SAP30BP: variants seen among roughly 807,000 people sequenced by gnomAD.
SAP30BP encodes SAP30-binding protein.
SAP30BP carries 31 observed loss-of-function variants against 46.3 expected under a neutral mutation model. The ratio of observed to expected loss-of-function variants is 0.67; its 90% CI spans 0.50 to 0.90. The LOEUF is 0.90. Among genes scored for constraint, SAP30BP ranks in the 40% least tolerant of loss-of-function variants. The probability of loss-of-function intolerance (pLI) is 0.00; values close to 1 mark genes in which losing one functional copy is unlikely to be tolerated. For missense variants in SAP30BP, 312 were observed against 391.0 expected (o/e 0.80, Z 1.70); for synonymous variants, 169 against 144.2 (o/e 1.17, Z -1.23).
At position 75,706,355 on chromosome 17, in the gene SAP30BP, A is replaced by G; in HGVS notation, c.761A>G (p.Lys254Arg). 1 of 1,613,588 alleles carries G rather than the reference A, an allele frequency of 6.2e-7. No individual in the cohort carries two copies. Among genetic ancestry groups the G allele is most frequent in the Non-Finnish European group, 8.5e-7 (1 of 1,179,918 alleles). ...STAVADAQKR[K>R]SKWDSAIPVT... ...TTATCTCCAGATGCTCAGAAGAGAA[A>G]GAGCAAGTGGGATTCGGCTATCCCA... Residue 254 changes from lysine to arginine, a missense_variant, in exon 11 of 11, where the codon AAG becomes AGG. Physicochemically the swap from Lys to Arg is conservative, Grantham distance 26 (BLOSUM62 2). This residue lies in a region of SAP30BP where 296 missense variants were observed against 346.6 expected (regional missense o/e 0.85). Transcript: ENST00000584667. This position sits in a 1 kb window ranked among gnomAD's most constrained non-coding sequence, Gnocchi z 4.6.
chr17:75,699,486 C>T (rs1015051031), intron 4 of SAP30BP, among the ~76,000 whole-genome samples: 2 of 151,660 alleles, frequency 1.3e-5, no homozygotes, highest in Admixed American at 1.3e-4. Flanking sequence ...GCCACCGCAC[C>T]CAGCTGACCC....
In SAP30BP at chr17:75,706,096, G is replaced by C. The variant is rs1213610123; in HGVS notation, c.745+4G>C. 1 of 1,610,316 alleles carries C rather than the reference G, an allele frequency of 6.2e-7. No homozygotes were observed. The highest frequency in any genetic ancestry group is 1.3e-5 in the African/African-American group (1 of 75,020). On this transcript the variant is annotated splice_donor_region_variant and intron_variant, in intron 10 of 10. Transcript: ENST00000584667. This position sits in a 1 kb window ranked among gnomAD's most constrained non-coding sequence, Gnocchi z 4.6. ...ACTGCCAGCACAGCTGTTGCAGGTA[G>C]ATTGCAGAGCTGCCCTGCCTCCTGC...
intron 3 of SAP30BP, among the ~76,000 whole-genome samples, chr17:75,682,767 T>G (rs56046313): frequency 4.5e-4 from 66 of 147,406 alleles, no homozygotes; most frequent in East Asian, 2.2e-3. Context: ...ATCAAGACCA[T>G]CCTGGCCAAC....
intron 3 of SAP30BP, among the ~76,000 whole-genome samples, chr17:75,686,094 G>C (rs1254284477): frequency 6.6e-6 from 1 of 152,168 alleles, no homozygotes; most frequent in Non-Finnish European, 1.5e-5. Context: ...TGTAAATTTA[G>C]CCAGATTTTT....
At chr17:75,692,159 A>G (rs1414124612) in intron 3 of SAP30BP, 1 of 878,758 alleles carries the variant, frequency 1.1e-6, no homozygotes, top group Non-Finnish European at 1.4e-6. Context: ...GTTCTGAGGA[A>G]TGGGGAATTT....
At chr17:75,682,800 T>C (rs1022219351) in intron 3 of SAP30BP, among the ~76,000 whole-genome samples, 1 of 150,722 alleles carries the variant, frequency 6.6e-6, no homozygotes, top group Non-Finnish European at 1.5e-5. Flanking sequence ...CCATCTCTAC[T>C]AAAAATACAA....
intron 1 of SAP30BP, 41 bp downstream of exon 1, chr17:75,667,519 C>T (rs774046209): frequency 1.3e-6 from 2 of 1,576,266 alleles, no homozygotes; most frequent in Admixed American, 3.3e-5. Flanking sequence ...AATCGGGTGT[C>T]TGCCCGGAAT....
chr17:75,668,415 T>TA, intron 1 of SAP30BP, 101 bp from the exon 2 acceptor site: 3 of 652,306 alleles, frequency 4.6e-6, no homozygotes, highest in Non-Finnish European at 7.6e-6. Context: ...TCTTCAGAGA[T>TA]AGTCTTGGCC....
intron 2 of SAP30BP, among the ~76,000 whole-genome samples, chr17:75,670,377 A>G (rs915159810): frequency 2.0e-5 from 3 of 152,154 alleles, no homozygotes; most frequent in Non-Finnish European, 4.4e-5. Context: ...TACATGATGC[A>G]TTTTGGGAGA....
chr17:75,694,309 G>A (rs1198101601), intron 4 of SAP30BP, among the ~76,000 whole-genome samples: 1 of 152,154 alleles, frequency 6.6e-6, no homozygotes, highest in Non-Finnish European at 1.5e-5. Flanking sequence ...TCCCAGTAGG[G>A]CCTTTCTGCT....
At chr17:75,694,641 C>T (rs2060288817) in intron 4 of SAP30BP, among the ~76,000 whole-genome samples, 1 of 152,234 alleles carries the variant, frequency 6.6e-6, no homozygotes, top group African/African-American at 2.4e-5. Flanking sequence ...GGGGGCGATC[C>T]ACGGGTCGGG....
Position 75,706,436 on chromosome 17 carries a change from T to C in SAP30BP, c.842T>C (p.Val281Ala). 6.2e-7 allele frequency: 1 copy of C among 1,614,156 alleles called. No individual in the cohort carries two copies. Among genetic ancestry groups the C allele is most frequent in the Non-Finnish European group, 8.5e-7 (1 of 1,180,012 alleles). Reference sequence around the variant, plus strand: ...ACCACCACAGCCACCCTGCCAGCTGTTGTCACGGTCACCACCAGCGCCAGC... The same window carrying C: ...ACCACCACAGCCACCCTGCCAGCTGCTGTCACGGTCACCACCAGCGCCAGC... ...ILTTTATLPA[V>A]VTVTTSASGS... The change falls in exon 11 of 11, where the codon GTT becomes GCT. Residue 281 changes from valine to alanine, a missense_variant. Val to Ala is a moderately conservative substitution (Grantham distance 64, BLOSUM62 0). This residue lies in a region of SAP30BP where 16 missense variants were observed against 44.4 expected (regional missense o/e 0.36). Coordinates refer to ENST00000584667, the MANE Select transcript of SAP30BP (RefSeq NM_013260.8). The surrounding 1 kb of genome is among the most constrained non-coding windows in gnomAD (Gnocchi z 4.6).
At chr17:75,680,402 G>A (rs758713546) in intron 3 of SAP30BP, among the ~76,000 whole-genome samples, 17 of 152,090 alleles carry the variant, frequency 1.1e-4, no homozygotes, top group Non-Finnish European at 2.1e-4. Context: ...ATTTAGAGCC[G>A]GTCTGGTGGA....
At position 75,700,016 on chromosome 17, in the gene SAP30BP, A is replaced by G. The variant is rs2060383486; in HGVS notation, c.396+145A>G. 5 of 591,782 alleles carry G rather than the reference A, an allele frequency of 8.4e-6. No individual in the cohort carries two copies. In the East Asian group the frequency reaches 1.4e-4, roughly 17 times the overall value. 36.7% of individuals were successfully genotyped at this position (591,782 alleles called of 1,614,324 possible). A position where few individuals can be genotyped will look rare whatever the true frequency, so the allele number is the denominator to read the frequency against. ...AACTGACAGGTGGGAAGGATCCCAC[A>G]GTCCACTTTACCTCCTGTTAGCCTC... On this transcript the variant is annotated intron_variant, in intron 5 of 10. Transcript: ENST00000584667.
intron 5 of SAP30BP, among the ~76,000 whole-genome samples, chr17:75,701,304 C>A (rs1420191551): frequency 6.6e-6 from 1 of 152,196 alleles, no homozygotes; most frequent in Non-Finnish European, 1.5e-5. Flanking sequence ...TTGCCCTGGG[C>A]CAGTGCCCGC....
At chr17:75,705,641 G>A (rs1239291962) in intron 9 of SAP30BP, 4 of 1,069,442 alleles carry the variant, frequency 3.7e-6, no homozygotes, top group Non-Finnish European at 3.4e-6. Flanking sequence ...TGCAGCGCCT[G>A]GGGACCGGAG....
intron 3 of SAP30BP, among the ~76,000 whole-genome samples, chr17:75,685,839 G>A (rs925737333): frequency 6.6e-6 from 1 of 152,154 alleles, no homozygotes; most frequent in African/African-American, 2.4e-5. Flanking sequence ...TCTGGACCTA[G>A]ATACACCCGT....
In SAP30BP at chr17:75,678,785, C is replaced by T. The variant is rs373478139; in HGVS notation, c.264+6922C>T. Among the ~76,000 whole-genome samples, 7 of 152,114 alleles carry T rather than the reference C, an allele frequency of 4.6e-5. No individual in the cohort carries two copies. In the East Asian group the frequency reaches 7.7e-4, roughly 17 times the overall value. The stretch of plus-strand genomic sequence containing the variant: ...AGGTAGAGCTGGAAGACAGAAGACT[C>T]GGGAAGAGCCGGGGTTGCGCTCTGG... On this transcript the variant is annotated intron_variant, in intron 3 of 10. Coordinates refer to ENST00000584667, the MANE Select transcript of SAP30BP (RefSeq NM_013260.8).
At chr17:75,674,389 G>T (rs1279892028) in intron 3 of SAP30BP, among the ~76,000 whole-genome samples, 1 of 151,932 alleles carries the variant, frequency 6.6e-6, no homozygotes, top group African/African-American at 2.4e-5. Flanking sequence ...CCGCCTCCTG[G>T]GTTCAAGCGA....
Sources: allele counts gnomAD v4.1 joint callset (sites outside exome capture counted in the v4.1 genomes callset), GRCh38; gene constraint gnomAD v4.1.1; regional missense constraint gnomAD v4.1.1; non-coding constraint Gnocchi (gnomAD v3.1); transcripts MANE v1.5; gene names NCBI Gene and HGNC (gene_info 2026-07-23, HGNC 2026-07-21).